Variants in NCOA1 observed in about 807,000 individuals in gnomAD.
NCOA1 encodes the protein Hin-2 protein.
A neutral mutation model predicts 150.9 loss-of-function variants in NCOA1; 35 were observed. The observed-to-expected ratio is 0.23, with a 90% CI of 0.18 to 0.31. The LOEUF is 0.31. Among genes scored for constraint, NCOA1 ranks in the 10% least tolerant of loss-of-function variants. The pLI, the probability that NCOA1 is intolerant of heterozygous loss-of-function variation, is 1.00. For missense variants in NCOA1, 1,491 were observed against 1,749.3 expected (o/e 0.85, Z 2.63); for synonymous variants, 590 against 630.0 (o/e 0.94, Z 0.95).
chr2:24,612,168 A>C (rs1668660577), intron 3 of NCOA1, among the ~76,000 whole-genome samples: 1 of 152,148 alleles, frequency 6.6e-6, no homozygotes, highest in Non-Finnish European at 1.5e-5. Context: ...TTCTTTGCTT[A>C]TGAAGCTTAG....
intron 17 of NCOA1, among the ~76,000 whole-genome samples, chr2:24,738,211 T>C (rs1383019665): frequency 6.6e-6 from 1 of 151,892 alleles, no homozygotes; most frequent in Non-Finnish European, 1.5e-5. Flanking sequence ...TCACTGTTCA[T>C]AGCTCTTTGG....
intron 14 of NCOA1, among the ~76,000 whole-genome samples, chr2:24,714,035 A>C (rs1194511663): frequency 1.3e-5 from 2 of 152,214 alleles, no homozygotes; most frequent in Non-Finnish European, 2.9e-5. Flanking sequence ...TGAGCTGAAC[A>C]ACTACCAGAA....
intron 3 of NCOA1, among the ~76,000 whole-genome samples, chr2:24,629,910 C>G (rs1020360957): frequency 6.8e-6 from 1 of 146,816 alleles, no homozygotes; most frequent in Non-Finnish European, 1.5e-5. Context: ...GTGGCGTGAT[C>G]TCGGCTCACT....
intron 1 of NCOA1, among the ~76,000 whole-genome samples, chr2:24,493,983 G>T (rs1258047389): frequency 1.3e-5 from 2 of 152,218 alleles, no homozygotes; most frequent in African/African-American, 2.4e-5. Context: ...GGTGTATATT[G>T]TGAAAGTGCT....
intron 2 of NCOA1, among the ~76,000 whole-genome samples, chr2:24,568,914 A>C (rs1666620000): frequency 6.6e-6 from 1 of 152,326 alleles, no homozygotes; most frequent in Middle Eastern, 3.4e-3. Context: ...AAAAATCACT[A>C]TAGCAGAAGA....
At chr2:24,631,008 A>T (rs1178166437) in intron 3 of NCOA1, among the ~76,000 whole-genome samples, 1 of 152,170 alleles carries the variant, frequency 6.6e-6, no homozygotes, top group East Asian at 1.9e-4. Flanking sequence ...TCAGTTTGGA[A>T]AGCATGACTT....
intron 3 of NCOA1, among the ~76,000 whole-genome samples, chr2:24,643,114 A>C (rs866621568): frequency 6.6e-6 from 1 of 152,248 alleles, no homozygotes; most frequent in South Asian, 2.1e-4. Flanking sequence ...AAATGAGTGC[A>C]TGCAAAAACT....
intron 1 of NCOA1, among the ~76,000 whole-genome samples, chr2:24,507,341 C>G (rs1384863152): frequency 6.6e-6 from 1 of 151,652 alleles, no homozygotes; most frequent in Admixed American, 6.6e-5. Flanking sequence ...TACCTGTCTC[C>G]ACAAGGTGGT....
intron 1 of NCOA1, among the ~76,000 whole-genome samples, chr2:24,547,140 G>A (rs1457301950): frequency 6.6e-6 from 1 of 152,150 alleles, no homozygotes; most frequent in Non-Finnish European, 1.5e-5. Flanking sequence ...ATCTATTACA[G>A]TATCTAATCT....
Position 24,665,051 on chromosome 2 carries a change from G to T in NCOA1, c.90-698G>T, listed in dbSNP as rs181346046. 1.2e-4 allele frequency among the ~76,000 whole-genome samples: 19 copies of T among 152,198 alleles called. No individual in the cohort carries two copies. The East Asian group carries it at 2.5e-3, about 20-fold the overall frequency. On this transcript the variant is annotated intron_variant, in intron 5 of 22. Coordinates refer to ENST00000348332, the MANE Select transcript of NCOA1 (RefSeq NM_003743.5). ...ACATTTGGTATATTTTTTTAAAAAG[G>T]TGCTACCTGTATGCACCTTGTTCTC...
intron 3 of NCOA1, among the ~76,000 whole-genome samples, chr2:24,628,898 A>G (rs1431864315): frequency 1.3e-5 from 2 of 152,176 alleles, no homozygotes; most frequent in African/African-American, 4.8e-5. Context: ...TTTGGATTTT[A>G]TCATAAGTGA....
intron 13 of NCOA1, among the ~76,000 whole-genome samples, chr2:24,708,965 C>A (rs1038892078): frequency 3.3e-5 from 5 of 152,280 alleles, no homozygotes; most frequent in Middle Eastern, 3.4e-3. Flanking sequence ...AAGCCTTCCC[C>A]AAGTATCCCT....
chr2:24,609,017 A>G (rs927056072), intron 3 of NCOA1, among the ~76,000 whole-genome samples: 1 of 152,176 alleles, frequency 6.6e-6, no homozygotes, highest in Admixed American at 6.5e-5. Flanking sequence ...ATTAACCTCC[A>G]TCACTTGGTA....
intron 1 of NCOA1, among the ~76,000 whole-genome samples, chr2:24,547,675 T>C (rs1161470502): frequency 7.5e-6 from 1 of 133,934 alleles, no homozygotes; most frequent in African/African-American, 2.6e-5. Flanking sequence ...TGTATTCATA[T>C]ATCATGAGAT....
chr2:24,587,912 A>T (rs1250512669), intron 3 of NCOA1, among the ~76,000 whole-genome samples: 1 of 152,182 alleles, frequency 6.6e-6, no homozygotes, highest in Non-Finnish European at 1.5e-5. Context: ...AATTCTTTTG[A>T]TGCTGATAGT....
chr2:24,664,933 T>C (rs983485263), intron 5 of NCOA1, among the ~76,000 whole-genome samples: 1 of 152,208 alleles, frequency 6.6e-6, no homozygotes, highest in Admixed American at 6.5e-5. Context: ...CTTAACTGTC[T>C]TTATATGTAT....
At chr2:24,561,487 A>T (rs1331921077) in intron 1 of NCOA1, among the ~76,000 whole-genome samples, 1 of 152,222 alleles carries the variant, frequency 6.6e-6, no homozygotes, top group African/African-American at 2.4e-5. Context: ...AGCTTTCACC[A>T]ATGAGAGAGT....
rs117555233 is a variant in NCOA1 at position 24,650,112 on chromosome 2, G to A, written c.-18+5990G>A. The stretch of plus-strand genomic sequence containing the variant: ...TTGCTTTTTATTCTTGGCCATAATG[G>A]TTAAGAACGTTGGCAGTGATTTATG... On this transcript the variant is annotated intron_variant, in intron 4 of 22. Coordinates refer to ENST00000348332, the MANE Select transcript of NCOA1 (RefSeq NM_003743.5). 5.5e-4 allele frequency among the ~76,000 whole-genome samples: 84 copies of A among 152,200 alleles called. No individual in the cohort carries two copies. In the East Asian group the frequency reaches 0.014, roughly 26 times the overall value.
chr2:24,668,439 C>G (rs1671531896), intron 6 of NCOA1, among the ~76,000 whole-genome samples: 1 of 151,884 alleles, frequency 6.6e-6, no homozygotes, highest in East Asian at 1.9e-4. Context: ...AAACAGGTCT[C>G]ACACATACTA....
Sources: gnomAD v4.1 joint callset for allele counts (sites outside exome capture counted in the v4.1 genomes callset) on GRCh38, gnomAD v4.1.1 for gene constraint, MANE v1.5 for transcripts, NCBI Gene and HGNC (gene_info 2026-07-23, HGNC 2026-07-21) for gene names.